The following SPATA17 variants were observed in gnomAD, a reference collection of about 807,000 sequenced individuals.
The protein encoded by SPATA17 is spermatogenesis associated 17.
Under a neutral mutation model 62.2 loss-of-function variants are expected in SPATA17, and 53 were observed. That is an observed-to-expected ratio of 0.85 (90% CI 0.68 to 1.07). The LOEUF is 1.07. SPATA17 is among the 50% of genes least tolerant of loss of function. The probability of loss-of-function intolerance (pLI) is 0.00; values close to 1 mark genes in which losing one functional copy is unlikely to be tolerated. For synonymous variants in SPATA17, 146 were observed against 146.8 expected (o/e 0.99, Z 0.04); for missense variants, 466 against 425.5 (o/e 1.10, Z -0.84).
At chr1:217,754,899 T>A (rs1019901676) in intron 6 of SPATA17, among the ~76,000 whole-genome samples, 1 of 152,100 alleles carries the variant, frequency 6.6e-6, no homozygotes, top group African/African-American at 2.4e-5. Context: ...AATGTTTTCC[T>A]AAAATGAGCT....
intron 9 of SPATA17, among the ~76,000 whole-genome samples, chr1:217,838,648 G>T (rs900879481): frequency 1.3e-5 from 2 of 151,992 alleles, no homozygotes; most frequent in African/African-American, 4.8e-5. Context: ...AAGACAAAAA[G>T]AAATCACTTT....
chr1:217,758,534 G>A (rs1673099568), intron 6 of SPATA17, among the ~76,000 whole-genome samples: 1 of 152,166 alleles, frequency 6.6e-6, no homozygotes. Context: ...GGTAATAAAA[G>A]GTGGAGGTGG....
intron 5 of SPATA17, among the ~76,000 whole-genome samples, chr1:217,714,101 C>A (rs1671939020): frequency 6.6e-6 from 1 of 152,070 alleles, no homozygotes; most frequent in Non-Finnish European, 1.5e-5. Flanking sequence ...TTTTTGAGAA[C>A]CATCGGCTGG....
chr1:217,660,266 G>T (rs1325797123), intron 3 of SPATA17, among the ~76,000 whole-genome samples: 1 of 152,144 alleles, frequency 6.6e-6, no homozygotes, highest in African/African-American at 2.4e-5. Flanking sequence ...TTAAATGCTT[G>T]TCATGTAGGC....
At chr1:217,750,768 C>T (rs187290015) in intron 6 of SPATA17, among the ~76,000 whole-genome samples, 16 of 152,290 alleles carry the variant, frequency 1.1e-4, no homozygotes, top group East Asian at 7.7e-4. Flanking sequence ...AGATGCCACT[C>T]GTCGGAATGT....
chr1:217,775,729 ATC>A (rs1201037217), intron 7 of SPATA17, among the ~76,000 whole-genome samples: 35 of 151,982 alleles, frequency 2.3e-4, no homozygotes, highest in African/African-American at 7.7e-4. Context: ...CTATCTATCT[ATC>A]TATATATATA....
chr1:217,666,501 GGAAATGCGGTTCACATTTACATGT>G (rs1309176594), intron 3 of SPATA17, among the ~76,000 whole-genome samples: 1 of 151,234 alleles, frequency 6.6e-6, no homozygotes, highest in African/African-American at 2.4e-5. Flanking sequence ...GAAAGCTTAT[GGAAATGCGGTTCACATTTACATGT>G]GTTTTTTTTT....
chr1:217,674,992 G>T (rs1477234282), intron 4 of SPATA17, among the ~76,000 whole-genome samples: 1 of 152,166 alleles, frequency 6.6e-6, no homozygotes, highest in East Asian at 1.9e-4. Flanking sequence ...AGGCAAACAA[G>T]AACAGAAGTT....
chr1:217,719,718 A>G (rs1424689878), intron 5 of SPATA17, among the ~76,000 whole-genome samples: 2 of 152,216 alleles, frequency 1.3e-5, no homozygotes, highest in Non-Finnish European at 2.9e-5. Flanking sequence ...ATACAAATAT[A>G]GTAAATATTG....
At chr1:217,834,026 T>C (rs1444844802) in intron 9 of SPATA17, among the ~76,000 whole-genome samples, 1 of 152,126 alleles carries the variant, frequency 6.6e-6, no homozygotes, top group Admixed American at 6.6e-5. Context: ...TTAAGAAATA[T>C]TGTCACCCGC....
intron 9 of SPATA17, among the ~76,000 whole-genome samples, chr1:217,818,133 T>A (rs184659537): frequency 6.6e-6 from 1 of 152,176 alleles, no homozygotes; most frequent in African/African-American, 2.4e-5. Flanking sequence ...TTGCCAGTAT[T>A]TTATTATTCT....
chr1:217,716,802 C>T (rs1447757710), intron 5 of SPATA17, among the ~76,000 whole-genome samples: 2 of 152,290 alleles, frequency 1.3e-5, no homozygotes, highest in Admixed American at 6.5e-5. Context: ...CAAGGACCAG[C>T]TCAGTAAATG....
chr1:217,645,050 T>C (rs1670148908), intron 1 of SPATA17, among the ~76,000 whole-genome samples: 1 of 152,034 alleles, frequency 6.6e-6, no homozygotes, highest in Non-Finnish European at 1.5e-5. Flanking sequence ...CATCTGTAAA[T>C]TTTGTTTTTA....
intron 5 of SPATA17, among the ~76,000 whole-genome samples, chr1:217,735,606 G>A (rs1262076699): frequency 6.6e-6 from 1 of 152,116 alleles, no homozygotes; most frequent in African/African-American, 2.4e-5. Flanking sequence ...GTTGCAGAAG[G>A]TAATGGACAT....
chr1:217,832,937 C>G (rs369037757), intron 9 of SPATA17, among the ~76,000 whole-genome samples: 9 of 151,812 alleles, frequency 5.9e-5, no homozygotes, highest in Non-Finnish European at 1.3e-4. Context: ...GAGTGAGACC[C>G]CGTCTCAAAG....
chr1:217,791,890 C>A (rs1403398764), intron 8 of SPATA17, among the ~76,000 whole-genome samples: 1 of 152,026 alleles, frequency 6.6e-6, no homozygotes, highest in Non-Finnish European at 1.5e-5. Flanking sequence ...ATGAAGAGGA[C>A]TTGCCATAGA....
intron 1 of SPATA17, among the ~76,000 whole-genome samples, chr1:217,636,281 G>GGCTA (rs1331771673): frequency 2.0e-5 from 3 of 152,144 alleles, no homozygotes; most frequent in Non-Finnish European, 2.9e-5. Context: ...TCTTCCTAAT[G>GGCTA]GCTAGCATCA....
intron 4 of SPATA17, among the ~76,000 whole-genome samples, chr1:217,679,773 G>T (rs571876237): frequency 6.6e-6 from 1 of 152,232 alleles, no homozygotes; most frequent in South Asian, 2.1e-4. Flanking sequence ...TCCAATAGTT[G>T]CTGGGTTTGG....
chr1:217,746,131 T>C (rs1672744955), intron 6 of SPATA17, among the ~76,000 whole-genome samples: 1 of 152,032 alleles, frequency 6.6e-6, no homozygotes, highest in Admixed American at 6.5e-5. Context: ...TTTATAGACC[T>C]TTAAGTACAA....
Sources: allele counts gnomAD v4.1 joint callset (sites outside exome capture counted in the v4.1 genomes callset), GRCh38; gene constraint gnomAD v4.1.1; transcripts MANE v1.5; gene names NCBI Gene and HGNC (gene_info 2026-07-23, HGNC 2026-07-21).